TBL3: variants seen among roughly 807,000 people sequenced by gnomAD.
TBL3 encodes transducin beta like 3.
In TBL3, 71 loss-of-function variants were observed where a neutral mutation model predicts 102.7. That is an observed-to-expected ratio of 0.69 (90% CI 0.57 to 0.84). The LOEUF is 0.84. Among genes scored for constraint, TBL3 ranks in the 40% least tolerant of loss-of-function variants. The pLI is 0.00. For synonymous variants in TBL3, 578 were observed against 477.7 expected (o/e 1.21, Z -2.74); for missense variants, 1,188 against 1,098.5 (o/e 1.08, Z -1.15).
In TBL3 at chr16:1,981,045, C is replaced by G; in HGVS notation, c.*2360C>G. 6.2e-7 allele frequency: 1 copy of G among 1,612,314 alleles called. No homozygotes were observed. The highest frequency in any genetic ancestry group is 8.5e-7 in the Non-Finnish European group (1 of 1,179,044). Reference sequence around the variant, plus strand: ...CTGGGGGACAAAAAGTTGGGAGTGCCGTGGAGGTGCTGGTCCAGGCACCCC... The same window carrying G: ...CTGGGGGACAAAAAGTTGGGAGTGCGGTGGAGGTGCTGGTCCAGGCACCCC... On this transcript the variant is annotated 3_prime_UTR_variant, in exon 22 of 22. Transcript: ENST00000568546.
chr16:1,980,058 C>T lies in TBL3; in HGVS notation c.*1373C>T, dbSNP rs1342877644. On this transcript the variant is annotated 3_prime_UTR_variant, in exon 22 of 22. Transcript: ENST00000568546. ...GGGCCTGCGCCTGAAAAGGCCTATC[C>T]CGCGTGTCCTGGGTACAGAAGGGCT... The T allele has an allele frequency of 6.2e-6, 10 of 1,607,476 alleles. No individual in the cohort carries two copies. Among genetic ancestry groups the T allele is most frequent in the East Asian group, 4.5e-5 (2 of 44,730 alleles).
chr16:1,979,412 C>G lies in TBL3; in HGVS notation c.*727C>G, dbSNP rs2083449342. On this transcript the variant is annotated 3_prime_UTR_variant, in exon 22 of 22. Transcript: ENST00000568546. ...TCGGCTAGCCTGCCCTGCCCACGCCCGCTCCCGCGTACCTGCATAGCCACC... is the reference window on the plus strand; with the variant it reads ...TCGGCTAGCCTGCCCTGCCCACGCCGGCTCCCGCGTACCTGCATAGCCACC... The G allele has an allele frequency of 6.2e-7, 1 of 1,604,456 alleles. No homozygotes were observed. Among genetic ancestry groups the G allele is most frequent in the Non-Finnish European group, 8.5e-7 (1 of 1,178,006 alleles).
Position 1,979,973 on chromosome 16 carries a change from C to G in TBL3, c.*1288C>G. 6.3e-7 allele frequency: 1 copy of G among 1,592,554 alleles called. No individual in the cohort carries two copies. Among genetic ancestry groups the G allele is most frequent in the Non-Finnish European group, 8.5e-7 (1 of 1,170,288 alleles). ...CGGGTCCAGGAGCAGAGGAGCAAATCCCTGGGTTCTTGGGGGGCCCTACCT... is the reference window on the plus strand; with the variant it reads ...CGGGTCCAGGAGCAGAGGAGCAAATGCCTGGGTTCTTGGGGGGCCCTACCT... On this transcript the variant is annotated 3_prime_UTR_variant, in exon 22 of 22. Coordinates refer to ENST00000568546, the MANE Select transcript of TBL3 (RefSeq NM_006453.3).
intron 16 of TBL3, 27 bp from the exon 17 acceptor site, chr16:1,977,487 C>G (rs777335213): frequency 1.2e-6 from 2 of 1,609,148 alleles, no homozygotes; most frequent in East Asian, 4.5e-5. Context: ...CTGCCTGACG[C>G]TGAGCCTCTC....
rs1294540679 is a variant in TBL3 at position 1,980,491 on chromosome 16, G to C, written c.*1806G>C. On this transcript the variant is annotated 3_prime_UTR_variant, in exon 22 of 22. Transcript: ENST00000568546. ...CTCCGAGAATAGGTTTCCAACAGCT[G>C]CAGGCGCGCCAGGCCGCGGCTCGTG... The C allele has an allele frequency of 1.2e-6, 2 of 1,602,850 alleles. No homozygotes were observed. Among genetic ancestry groups the C allele is most frequent in the South Asian group, 2.2e-5 (2 of 91,036 alleles).
intron 1 of TBL3, 77 bp from the exon 2 acceptor site, chr16:1,973,978 AG>A: frequency 1.4e-6 from 2 of 1,414,688 alleles, no homozygotes; most frequent in Non-Finnish European, 1.9e-6. Flanking sequence ...TCACTTGGAG[AG>A]GAGCACCTAG....
chr16:1,974,265 G>C lies in TBL3; in HGVS notation c.162G>C (p.Ser54=), dbSNP rs775883700. 8 of 1,601,456 alleles carry C rather than the reference G, an allele frequency of 5.0e-6. No individual in the cohort carries two copies. The Admixed American group carries it at 1.4e-4, about 27-fold the overall frequency. Reference sequence around the variant, plus strand: ...GAGTCAACATTCTGGAAGTGGCCTCGGGGGCCGTGCTGCGGAGTCTGGAGC... The same window carrying C: ...GAGTCAACATTCTGGAAGTGGCCTCCGGGGCCGTGCTGCGGAGTCTGGAGC... ...GTRVNILEVA[S]GAVLRSLEQE... is the part of the protein sequence containing the mutation. Residue 54 remains serine (S), a synonymous_variant, in exon 3 of 22, where the codon TCG becomes TCC. Coordinates refer to ENST00000568546, the MANE Select transcript of TBL3 (RefSeq NM_006453.3).
intron 7 of TBL3, 43 bp from the exon 8 acceptor site, chr16:1,975,144 G>T (rs574852256): frequency 5.6e-6 from 9 of 1,613,338 alleles, no homozygotes; most frequent in Non-Finnish European, 7.6e-6. Context: ...GAAAGTGGGG[G>T]CTGAGGCTAA....
chr16:1,974,372 C>T lies in TBL3; in HGVS notation c.190-4C>T, dbSNP rs1012789784. ...CGTGCTCGGCACACCACTCTTTCTCCTAGGAGGACCAGGAGGACATCACTG... is the reference window on the plus strand; with the variant it reads ...CGTGCTCGGCACACCACTCTTTCTCTTAGGAGGACCAGGAGGACATCACTG... On this transcript the variant is annotated splice_polypyrimidine_tract_variant and splice_region_variant and intron_variant, in intron 3 of 21. Coordinates refer to ENST00000568546, the MANE Select transcript of TBL3 (RefSeq NM_006453.3). 1 of 1,608,866 alleles carries T rather than the reference C, an allele frequency of 6.2e-7. No homozygotes were observed. The highest frequency in any genetic ancestry group is 1.7e-5 in the Admixed American group (1 of 59,612).
chr16:1,979,255 C>T lies in TBL3; in HGVS notation c.*570C>T. 1 of 1,524,498 alleles carries T rather than the reference C, an allele frequency of 6.6e-7. No individual in the cohort carries two copies. The allele number at this position is 1,524,498 out of a possible 1,614,324, so 94.4% of individuals were successfully genotyped here. Reference sequence around the variant, plus strand: ...AAGCCCCGGGCCTCACCCGCCGGGTCGTCTCCTCCACGGAACCCCGTCCCG... The same window carrying T: ...AAGCCCCGGGCCTCACCCGCCGGGTTGTCTCCTCCACGGAACCCCGTCCCG... On this transcript the variant is annotated 3_prime_UTR_variant, in exon 22 of 22. Coordinates refer to ENST00000568546, the MANE Select transcript of TBL3 (RefSeq NM_006453.3).
chr16:1,974,046 C>G lies in TBL3; in HGVS notation c.42-10C>G, dbSNP rs756709476. On this transcript the variant is annotated splice_polypyrimidine_tract_variant and intron_variant, in intron 1 of 21. Coordinates refer to ENST00000568546, the MANE Select transcript of TBL3 (RefSeq NM_006453.3). ...GGGTGGTGCTCATTCGCCTCCCGCT[C>G]TCCTTCCAGCTATGCTGTGGAGCGC... 10 of 1,547,332 alleles carry G rather than the reference C, an allele frequency of 6.5e-6. No homozygotes were observed. Among genetic ancestry groups the G allele is most frequent in the Admixed American group, 3.7e-5 (2 of 53,566 alleles).
chr16:1,978,576 G>T lies in TBL3; in HGVS notation c.2318G>T (p.Arg773Met). The T allele has an allele frequency of 6.2e-7, 1 of 1,612,154 alleles. No individual in the cohort carries two copies. Among genetic ancestry groups the T allele is most frequent in the Non-Finnish European group, 8.5e-7 (1 of 1,179,446 alleles). ...YTERHFQRLS[R>M]TLQAAAFLDF... ...GAGCGGCACTTTCAGCGGCTCAGCA[G>T]GACCCTCCAGGCCGCCGCTTTCTTG... Residue 773 changes from arginine (R) to methionine (M), a missense_variant, in exon 22 of 22, where the codon AGG becomes ATG. Physicochemically the swap from Arg to Met is moderately conservative, Grantham distance 91. Transcript: ENST00000568546.
Position 1,978,571 on chromosome 16 carries a change from C to G in TBL3, c.2313C>G (p.Leu771=), listed in dbSNP as rs762006104. ...LPYTERHFQR[L]SRTLQAAAFL... ...CCCCAGAGCGGCACTTTCAGCGGCT[C>G]AGCAGGACCCTCCAGGCCGCCGCTT... The change falls in exon 22 of 22, where the codon CTC becomes CTG. Residue 771 remains leucine (L), a synonymous_variant. Coordinates refer to ENST00000568546, the MANE Select transcript of TBL3 (RefSeq NM_006453.3). 6.2e-7 allele frequency: 1 copy of G among 1,611,884 alleles called. No homozygotes were observed. Among genetic ancestry groups the G allele is most frequent in the Admixed American group, 1.7e-5 (1 of 60,000 alleles).
intron 10 of TBL3, 22 bp downstream of exon 10, chr16:1,975,732 G>T (rs764480681): frequency 6.2e-7 from 1 of 1,612,768 alleles, no homozygotes. Context: ...CCCTTGCTCA[G>T]TCTGGAGGCT....
At position 1,981,003 on chromosome 16, in the gene TBL3, A is replaced by G; in HGVS notation, c.*2318A>G. 6.2e-7 allele frequency: 1 copy of G among 1,613,262 alleles called. No homozygotes were observed. On this transcript the variant is annotated 3_prime_UTR_variant, in exon 22 of 22. Transcript: ENST00000568546. The stretch of plus-strand genomic sequence containing the variant: ...GGTGTCGCTGCCGTCTGACCAGCGC[A>G]CAGAGAAGGCAAACGTCTGGGGGAC...
At position 1,980,833 on chromosome 16, in the gene TBL3, G is replaced by A; in HGVS notation, c.*2148G>A. On this transcript the variant is annotated 3_prime_UTR_variant, in exon 22 of 22. Transcript: ENST00000568546. The stretch of plus-strand genomic sequence containing the variant: ...TGGCAGGGGCTGGGAGCTTCAGCAG[G>A]GACGAAGGGCCTCCAGTGGGAGTCA... 3 of 1,465,946 alleles carry A rather than the reference G, an allele frequency of 2.0e-6. No homozygotes were observed. The highest frequency in any genetic ancestry group is 2.4e-5 in the East Asian group (1 of 41,122). The allele number at this position is 1,465,946 out of a possible 1,614,324, so 90.8% of individuals were successfully genotyped here.
In TBL3 at chr16:1,980,410, C is replaced by A; in HGVS notation, c.*1725C>A. The A allele has an allele frequency of 6.2e-7, 1 of 1,602,886 alleles. No homozygotes were observed. Among genetic ancestry groups the A allele is most frequent in the Non-Finnish European group, 8.5e-7 (1 of 1,179,782 alleles). On this transcript the variant is annotated 3_prime_UTR_variant, in exon 22 of 22. Coordinates refer to ENST00000568546, the MANE Select transcript of TBL3 (RefSeq NM_006453.3). ...GGCTCCAGGTCCAGGGGTTGCGGTG[C>A]GAAGAAGCCAGTGATCGTCGGGCTC...
chr16:1,974,304 C>A lies in TBL3; in HGVS notation c.189+12C>A, dbSNP rs766295789. On this transcript the variant is annotated intron_variant, in intron 3 of 21. Transcript: ENST00000568546. ...GGAGTCTGGAGCAGGTGAGGGCAGCCTGGGTGGGTGAGGGGCAAGTGGAGA... is the reference window on the plus strand; with the variant it reads ...GGAGTCTGGAGCAGGTGAGGGCAGCATGGGTGGGTGAGGGGCAAGTGGAGA... 7.9e-5 allele frequency: 125 copies of A among 1,585,010 alleles called. No homozygotes were observed. The highest frequency in any genetic ancestry group is 2.2e-5 in the Non-Finnish European group (26 of 1,162,958).
At position 1,981,114 on chromosome 16, in the gene TBL3, T is replaced by G. The variant is rs948381728; in HGVS notation, c.*2429T>G. 1 of 1,613,424 alleles carries G rather than the reference T, an allele frequency of 6.2e-7. No individual in the cohort carries two copies. On this transcript the variant is annotated 3_prime_UTR_variant, in exon 22 of 22. Transcript: ENST00000568546. ...CACTAAGGACCCAGCCAGGTCTTAC[T>G]TGGAGCCTCTTGATCTGCACCAGGG...
Sources: gnomAD v4.1 joint callset for allele counts on GRCh38, gnomAD v4.1.1 for gene constraint, MANE v1.5 for transcripts, NCBI Gene and HGNC (gene_info 2026-07-23, HGNC 2026-07-21) for gene names.